TMEM232: variants seen among roughly 807,000 people sequenced by gnomAD.
TMEM232 encodes transmembrane protein 232.
A neutral mutation model predicts 78.8 loss-of-function variants in TMEM232; 80 were observed. The ratio of observed to expected loss-of-function variants is 1.01; its 90% CI spans 0.85 to 1.22. The LOEUF (loss-of-function observed/expected upper bound fraction) is 1.22. TMEM232 is among the 50% of genes most tolerant of loss of function. The pLI is 0.00. For missense variants in TMEM232, 881 were observed against 742.2 expected, an observed-to-expected ratio of 1.19 and a Z score of -2.17; for synonymous variants, 297 against 254.3, an observed-to-expected ratio of 1.17 and a Z score of -1.60.
At chr5:110,409,943 C>T (rs531681249) in intron 2 of TMEM232, among the ~76,000 whole-genome samples, 1 of 152,290 alleles carries the variant, frequency 6.6e-6, no homozygotes, top group South Asian at 2.1e-4. Flanking sequence ...CATCCCCTTC[C>T]CCAACTGTAC....
chr5:110,467,877 G>T (rs1762248428), intron 12 of TMEM232, among the ~76,000 whole-genome samples: 2 of 150,394 alleles, frequency 1.3e-5, no homozygotes, highest in South Asian at 4.2e-4. Context: ...AGTCTAGCAG[G>T]GTTCTTTTGT....
intron 12 of TMEM232, among the ~76,000 whole-genome samples, chr5:110,473,878 T>C (rs897474425): frequency 2.4e-5 from 1 of 41,648 alleles, no homozygotes; most frequent in African/African-American, 1.0e-4. Flanking sequence ...TTAAGTGAAA[T>C]AAGCCAGACA....
At chr5:110,546,965 AG>A (rs1337897431) in intron 11 of TMEM232, among the ~76,000 whole-genome samples, 3 of 152,090 alleles carry the variant, frequency 2.0e-5, no homozygotes, top group East Asian at 3.9e-4. Flanking sequence ...CCAAAAAAAA[AG>A]AAAAAGAGAA....
chr5:110,575,714 C>T (rs1777500016), intron 10 of TMEM232, among the ~76,000 whole-genome samples: 1 of 151,960 alleles, frequency 6.6e-6, no homozygotes, highest in Admixed American at 6.6e-5. Flanking sequence ...TGGAGCCAAG[C>T]AAACCTCCCC....
At chr5:110,610,584 T>C (rs77047956) in intron 8 of TMEM232, 6,626 of 455,924 alleles carry the variant, frequency 0.015, 219 homozygotes, top group African/African-American at 0.089. Flanking sequence ...AAGCACAGGA[T>C]TTGCCTCAAT....
chr5:110,443,422 G>T (rs903971837), intron 12 of TMEM232, among the ~76,000 whole-genome samples: 3 of 152,112 alleles, frequency 2.0e-5, no homozygotes, highest in African/African-American at 7.2e-5. Context: ...TAAAGACCAA[G>T]GGCTTTTCAG....
intron 4 of TMEM232, among the ~76,000 whole-genome samples, chr5:110,390,183 A>G (rs1383527906): frequency 1.3e-5 from 2 of 152,118 alleles, no homozygotes; most frequent in African/African-American, 2.4e-5. Context: ...CCCACATTCC[A>G]TGAGTGTTAT....
At chr5:110,481,194 A>C (rs1248624773) in intron 12 of TMEM232, among the ~76,000 whole-genome samples, 4 of 152,166 alleles carry the variant, frequency 2.6e-5, no homozygotes, top group Non-Finnish European at 4.4e-5. Flanking sequence ...CTTTCTCTAA[A>C]CATTCATTAT....
chr5:110,444,533 G>C (rs1759436156), intron 12 of TMEM232, among the ~76,000 whole-genome samples: 1 of 152,120 alleles, frequency 6.6e-6, no homozygotes, highest in African/African-American at 2.4e-5. Context: ...CAAGTACTAT[G>C]GTTCTTGTGA....
At chr5:110,509,446 C>CTGAT (rs1390140176) in intron 12 of TMEM232, among the ~76,000 whole-genome samples, 3 of 151,854 alleles carry the variant, frequency 2.0e-5, no homozygotes, top group Admixed American at 1.3e-4. Context: ...AAAACAAAGT[C>CTGAT]TGATAGACTA....
chr5:110,685,070 TA>T (rs2150197612), intron 1 of TMEM232: 1 of 152,170 alleles, frequency 6.6e-6, no homozygotes, highest in South Asian at 2.1e-4. Context: ...AAGGATAAAT[TA>T]ACTCTACATA....
chr5:110,489,892 G>A (rs190463528), intron 12 of TMEM232, among the ~76,000 whole-genome samples: 65 of 152,010 alleles, frequency 4.3e-4, no homozygotes, highest in Middle Eastern at 3.4e-3. Flanking sequence ...TTGGAAGGCC[G>A]AGGCGGGCGG....
intron 5 of TMEM232, among the ~76,000 whole-genome samples, chr5:110,628,675 G>C (rs1410630736): frequency 7.0e-6 from 1 of 142,258 alleles, no homozygotes; most frequent in African/African-American, 3.0e-5. Flanking sequence ...GTGTGTGTGT[G>C]TGTGTGTGTG....
At chr5:110,629,924 C>T (rs569176456) in intron 5 of TMEM232, among the ~76,000 whole-genome samples, 2 of 152,018 alleles carry the variant, frequency 1.3e-5, no homozygotes, top group Admixed American at 6.6e-5. Context: ...AAAATATATT[C>T]GGGGATCATA....
At chr5:110,575,291 G>A (rs575787511) in intron 10 of TMEM232, among the ~76,000 whole-genome samples, 107 of 151,992 alleles carry the variant, frequency 7.0e-4, no homozygotes, top group African/African-American at 2.5e-3. Context: ...AGAGAACTGA[G>A]GTATTATATG....
At chr5:110,585,226 T>A (rs1778670054) in intron 10 of TMEM232, among the ~76,000 whole-genome samples, 1 of 152,112 alleles carries the variant, frequency 6.6e-6, no homozygotes, top group Admixed American at 6.6e-5. Context: ...TACAAGGGAA[T>A]AAACAGAATG....
rs1035152886 is a variant in TMEM232 at position 110,713,546 on chromosome 5, G to GA, written c.-13+13080dup. Among the ~76,000 whole-genome samples the GA allele has an allele frequency of 1.2e-4, 18 of 149,794 alleles. 4 individuals are homozygous for GA. Among genetic ancestry groups the GA allele is most frequent in the Admixed American group, 8.0e-4 (12 of 15,054 alleles). On this transcript the variant is annotated intron_variant, in intron 1 of 13. Transcript: ENST00000455884. ...ATATACACCTACTATGCACCCATAA[G>GA]AAAAAAAAATAAGACTTAAGTTTAT...
chr5:110,556,308 CTTCCT>C (rs1437366433), intron 11 of TMEM232, among the ~76,000 whole-genome samples: 7 of 151,588 alleles, frequency 4.6e-5, no homozygotes, highest in Non-Finnish European at 7.4e-5. Context: ...CTCCTCCTTC[CTTCCT>C]TTCTTCTTTC....
At chr5:110,673,118 C>T (rs970283089) in intron 1 of TMEM232, among the ~76,000 whole-genome samples, 18 of 152,192 alleles carry the variant, frequency 1.2e-4, no homozygotes, top group African/African-American at 4.1e-4. Context: ...GAATACTATG[C>T]AGCCATAAAA....
Sources: gnomAD v4.1 joint callset for allele counts (sites outside exome capture counted in the v4.1 genomes callset) on GRCh38, gnomAD v4.1.1 for gene constraint, MANE v1.5 for transcripts, NCBI Gene and HGNC (gene_info 2026-07-23, HGNC 2026-07-21) for gene names.